Variants in INPP4A observed in about 807,000 individuals in gnomAD.
INPP4A encodes the protein inositol polyphosphate-4-phosphatase, type I, 107kD.
INPP4A carries 33 observed loss-of-function variants against 119.8 expected under a neutral mutation model. That is an observed-to-expected ratio of 0.28 (90% confidence interval 0.21 to 0.37). The LOEUF (loss-of-function observed/expected upper bound fraction) is 0.37. INPP4A is among the 10% of genes least tolerant of loss of function. The pLI is 1.00. For synonymous variants in INPP4A, 496 were observed against 500.7 expected, an observed-to-expected ratio of 0.99 and a Z score of 0.12; for missense variants, 956 against 1,289.9, an observed-to-expected ratio of 0.74 and a Z score of 3.97.
At chr2:98,478,612 T>C (rs932232621) in intron 1 of INPP4A, among the ~76,000 whole-genome samples, 24 of 152,196 alleles carry the variant, frequency 1.6e-4, no homozygotes, top group South Asian at 4.1e-4. Context: ...GTGATCTCTT[T>C]TGACCTTTTT....
chr2:98,533,597 T>C, intron 5 of INPP4A, 102 bp downstream of exon 5: 1 of 721,912 alleles, frequency 1.4e-6, no homozygotes, highest in Non-Finnish European at 2.5e-6. Flanking sequence ...TGAAGCTGTA[T>C]TTACGTGAGT....
chr2:98,457,302 T>G (rs1247930925), intron 1 of INPP4A, among the ~76,000 whole-genome samples: 2 of 152,206 alleles, frequency 1.3e-5, no homozygotes, highest in African/African-American at 4.8e-5. Context: ...TGAGGCTGTA[T>G]TCTCTAGCTA....
chr2:98,577,300 A>C (rs1039100136), intron 24 of INPP4A, among the ~76,000 whole-genome samples, 157 bp downstream of exon 24: 2 of 152,224 alleles, frequency 1.3e-5, no homozygotes, highest in Non-Finnish European at 2.9e-5. Flanking sequence ...AACTATTGGC[A>C]CTATCAAATT....
intron 17 of INPP4A, among the ~76,000 whole-genome samples, chr2:98,560,435 A>C (rs1217869564): frequency 3.3e-5 from 5 of 152,176 alleles, no homozygotes; most frequent in Non-Finnish European, 7.3e-5. Context: ...ATAGTGTGGC[A>C]GCTCCTGGCA....
intron 1 of INPP4A, among the ~76,000 whole-genome samples, chr2:98,452,100 G>A (rs1461937683): frequency 1.3e-5 from 2 of 152,196 alleles, no homozygotes; most frequent in African/African-American, 4.8e-5. Context: ...GTGGGACTGC[G>A]TGCTTCCTTG....
intron 24 of INPP4A, among the ~76,000 whole-genome samples, chr2:98,578,023 A>G (rs964682029): frequency 6.6e-6 from 1 of 152,192 alleles, no homozygotes; most frequent in African/African-American, 2.4e-5. Flanking sequence ...ATACTGCACA[A>G]AAGCGACGCG....
At chr2:98,581,690 C>A in intron 24 of INPP4A, 1 of 1,612,280 alleles carries the variant, frequency 6.2e-7, no homozygotes, top group East Asian at 2.2e-5. Context: ...CTCTGAGCCC[C>A]AATTTACTGA....
chr2:98,552,379 G>C (rs1025251524), intron 13 of INPP4A, among the ~76,000 whole-genome samples: 1 of 152,128 alleles, frequency 6.6e-6, no homozygotes, highest in African/African-American at 2.4e-5. Context: ...GCTACACTGT[G>C]ATAACCTGAC....
At chr2:98,549,899 G>A (rs1174985761) in intron 13 of INPP4A, among the ~76,000 whole-genome samples, 1 of 152,142 alleles carries the variant, frequency 6.6e-6, no homozygotes. Context: ...TACTTCTGTG[G>A]AAGTGGCCTC....
At chr2:98,510,376 A>G (rs370203629) in intron 1 of INPP4A, among the ~76,000 whole-genome samples, 4 of 152,192 alleles carry the variant, frequency 2.6e-5, no homozygotes, top group Admixed American at 6.5e-5. Context: ...CTCCTGGAGC[A>G]TCCTCCTCTG....
Position 98,546,197 on chromosome 2 carries a change from A to AT in INPP4A, c.1054+127dup. The AT allele has an allele frequency of 1.5e-6, 1 of 656,584 alleles. No individual in the cohort carries two copies. Among genetic ancestry groups the AT allele is most frequent in the East Asian group, 2.8e-5 (1 of 35,820 alleles). 40.7% of individuals were successfully genotyped at this position (656,584 alleles called of 1,614,324 possible). ...GTGCTCTGGGCGGCTCGGAGGAGAG[A>AT]TTTGTCACAAGGACCTTCAAAAGGT... On this transcript the variant is annotated intron_variant, in intron 12 of 24. Coordinates refer to ENST00000409851, the MANE Select transcript of INPP4A (RefSeq NM_001134225.2). The surrounding 1 kb of genome is among the most constrained non-coding windows in gnomAD (Gnocchi z 4.2).
At chr2:98,448,268 A>G (rs1694592784) in intron 1 of INPP4A, among the ~76,000 whole-genome samples, 1 of 150,396 alleles carries the variant, frequency 6.6e-6, no homozygotes, top group South Asian at 2.1e-4. Context: ...AGGCATGAGA[A>G]TCTCTTGAAC....
intron 24 of INPP4A, among the ~76,000 whole-genome samples, chr2:98,580,421 T>C (rs979489419): frequency 3.9e-5 from 6 of 152,196 alleles, no homozygotes; most frequent in Non-Finnish European, 8.8e-5. Context: ...CAGGGCCCAT[T>C]TCAAGCTCCC....
At chr2:98,488,910 G>A (rs985929500) in intron 1 of INPP4A, among the ~76,000 whole-genome samples, 1 of 150,004 alleles carries the variant, frequency 6.7e-6, no homozygotes, top group African/African-American at 2.5e-5. Context: ...TAAGGACTTT[G>A]GATTCTTGCT....
At chr2:98,466,416 A>G (rs1674794935) in intron 1 of INPP4A, among the ~76,000 whole-genome samples, 1 of 152,266 alleles carries the variant, frequency 6.6e-6, no homozygotes, top group Admixed American at 6.5e-5. Flanking sequence ...CAAGGGGGTG[A>G]CAGACATTCC....
chr2:98,494,705 GAAAGAGACAGT>G (rs1681576234), intron 1 of INPP4A, among the ~76,000 whole-genome samples: 1 of 152,168 alleles, frequency 6.6e-6, no homozygotes, highest in Admixed American at 6.5e-5. Context: ...CAGAGACCAG[GAAAGAGACAGT>G]AAAGAGTGTC....
chr2:98,550,877 C>T (rs1220894858), intron 13 of INPP4A, among the ~76,000 whole-genome samples: 1 of 152,054 alleles, frequency 6.6e-6, no homozygotes, highest in Non-Finnish European at 1.5e-5. Flanking sequence ...CAGCCACCTC[C>T]TTACACAGAA....
intron 3 of INPP4A, among the ~76,000 whole-genome samples, 178 bp downstream of exon 3, chr2:98,520,332 T>G (rs1309449513): frequency 3.3e-5 from 5 of 152,200 alleles, no homozygotes; most frequent in African/African-American, 4.8e-5. Context: ...ATGTCAGCCC[T>G]CTTCCTGTGA....
chr2:98,513,945 C>T (rs2105600337), intron 1 of INPP4A, among the ~76,000 whole-genome samples: 2 of 152,324 alleles, frequency 1.3e-5, no homozygotes, highest in South Asian at 4.1e-4. Flanking sequence ...ATTGGTGGCC[C>T]TGAAGCCCCC....
Sources: gnomAD v4.1 joint callset for allele counts (sites outside exome capture counted in the v4.1 genomes callset) on GRCh38, gnomAD v4.1.1 for gene constraint, Gnocchi (gnomAD v3.1) non-coding constraint, MANE v1.5 for transcripts, NCBI Gene and HGNC (gene_info 2026-07-23, HGNC 2026-07-21) for gene names.